Variants in CACNA1E observed in about 807,000 individuals in gnomAD.
CACNA1E encodes the protein calcium voltage-gated channel subunit alpha1 E, also known as voltage-dependent R-type calcium channel subunit alpha-1E.
In CACNA1E, 40 loss-of-function variants were observed where a neutral mutation model predicts 259.2. The ratio of observed to expected loss-of-function variants is 0.15; its 90% confidence interval spans 0.12 to 0.20. The LOEUF is 0.20. Ranked by LOEUF, CACNA1E falls within the 10% of genes least tolerant of loss-of-function variation. The pLI, the probability that CACNA1E is intolerant of heterozygous loss-of-function variation, is 1.00. For missense variants in CACNA1E, 1,874 were observed against 3,040.1 expected (o/e 0.62, Z 9.02); for synonymous variants, 1,104 against 1,138.5 (o/e 0.97, Z 0.61).
Position 181,739,204 on chromosome 1 carries a change from A to G in CACNA1E, c.3670A>G (p.Ile1224Val). 1 of 1,613,894 alleles carries G rather than the reference A, an allele frequency of 6.2e-7. No individual in the cohort carries two copies. Among genetic ancestry groups the G allele is most frequent in the Non-Finnish European group, 8.5e-7 (1 of 1,179,802 alleles). Residue 1224 changes from isoleucine (I) to valine (V), a missense_variant, in exon 25 of 48, where the codon ATC (isoleucine) becomes GTC (valine). Around this residue, in one of 14 missense-constraint regions of CACNA1E, gnomAD observed 188 missense variants for 540.6 expected, o/e 0.35. Coordinates refer to ENST00000367573, the MANE Select transcript of CACNA1E (RefSeq NM_001205293.3). ...DGSYFRDLWNILDFVVVVGAL... is the reference protein window; with the variant it reads ...DGSYFRDLWNVLDFVVVVGAL... ...GTCCTACTTCCGAGACTTGTGGAAC[A>G]TCCTGGACTTTGTGGTGGTCGTTGG...
chr1:181,610,060 G>GGT (rs1553298172), intron 6 of CACNA1E, among the ~76,000 whole-genome samples: 2 of 152,118 alleles, frequency 1.3e-5, no homozygotes, highest in Non-Finnish European at 2.9e-5. Flanking sequence ...GGTGAAGAAC[G>GGT]GTGGGAAAAG....
chr1:181,745,480 C>A, intron 25 of CACNA1E: 1 of 349,760 alleles, frequency 2.9e-6, no homozygotes. Flanking sequence ...CAACTAGACC[C>A]AGATATAAAA....
At position 181,500,876 on chromosome 1, in the gene CACNA1E, T is replaced by G. The variant is rs188872162; in HGVS notation, c.267-9601T>G. Among the ~76,000 whole-genome samples the G allele has an allele frequency of 1.3e-4, 20 of 152,316 alleles. No homozygotes were observed. The East Asian group carries it at 3.9e-3, about 29-fold the overall frequency. On this transcript the variant is annotated intron_variant, in intron 1 of 47. Transcript: ENST00000367573. ...GGACTCTTTCACAAAAGGCTTTTCA[T>G]TTTTCTTATGCTGTCTCAGTTCCAT...
intron 7 of CACNA1E, among the ~76,000 whole-genome samples, chr1:181,684,334 G>GT (rs1227115679): frequency 6.6e-6 from 1 of 151,786 alleles, no homozygotes; most frequent in African/African-American, 2.4e-5. Context: ...GGCTTGTTTG[G>GT]TTTTCACTGT....
chr1:181,351,054 G>A (rs1203792830), intron 1 of CACNA1E, among the ~76,000 whole-genome samples: 1 of 152,226 alleles, frequency 6.6e-6, no homozygotes, highest in African/African-American at 2.4e-5. Flanking sequence ...TGGAGACTGG[G>A]TTAGGAAAAG....
chr1:181,570,528 G>A (rs556651029), intron 3 of CACNA1E, among the ~76,000 whole-genome samples: 1 of 152,270 alleles, frequency 6.6e-6, no homozygotes, highest in East Asian at 1.9e-4. Flanking sequence ...TACAGTTCTG[G>A]AAGTCAGAAG....
intron 8 of CACNA1E, among the ~76,000 whole-genome samples, chr1:181,713,568 A>T (rs1010435240): frequency 6.6e-6 from 1 of 152,198 alleles, no homozygotes; most frequent in Non-Finnish European, 1.5e-5. Context: ...TCTCAGTTTT[A>T]TCTGTAGCTG....
intron 6 of CACNA1E, among the ~76,000 whole-genome samples, chr1:181,590,436 T>TATATATATATATATA (rs1558159831): frequency 2.1e-5 from 3 of 144,220 alleles, no homozygotes; most frequent in African/African-American, 7.9e-5. Context: ...TATATATATA[T>TATATATATATATATA]TGTATTTGAC....
intron 3 of CACNA1E, among the ~76,000 whole-genome samples, chr1:181,521,379 G>A (rs1427722985): frequency 6.6e-6 from 1 of 152,182 alleles, no homozygotes; most frequent in Non-Finnish European, 1.5e-5. Flanking sequence ...GACCTGGTTT[G>A]GGGTATCTTT....
chr1:181,446,342 G>A (rs1558010899), intron 2 of CACNA1E, among the ~76,000 whole-genome samples: 1 of 152,354 alleles, frequency 6.6e-6, no homozygotes, highest in East Asian at 1.9e-4. Flanking sequence ...CTTGCTTGGT[G>A]CCAAGGGTTT....
intron 7 of CACNA1E, among the ~76,000 whole-genome samples, chr1:181,686,275 GTTTTTTTTTT>G (rs66526388): frequency 3.4e-5 from 2 of 58,670 alleles, no homozygotes; most frequent in African/African-American, 1.2e-4. Flanking sequence ...TAAGAACCAA[GTTTTTTTTTT>G]TTTTTTTTTT....
chr1:181,550,544 G>A (rs974347317), intron 3 of CACNA1E, among the ~76,000 whole-genome samples: 9 of 152,098 alleles, frequency 5.9e-5, no homozygotes, highest in African/African-American at 1.9e-4. Flanking sequence ...AGGCTGAGAG[G>A]GAGCTGGCAG....
chr1:181,726,294 G>T (rs1244543683), intron 18 of CACNA1E, 132 bp downstream of exon 18: 5 of 622,248 alleles, frequency 8.0e-6, no homozygotes, highest in Non-Finnish European at 1.4e-5. Flanking sequence ...ACAGCAGTGA[G>T]CCAGACAGAG....
chr1:181,713,480 G>A (rs1653590254), intron 8 of CACNA1E, among the ~76,000 whole-genome samples: 1 of 152,120 alleles, frequency 6.6e-6, no homozygotes, highest in African/African-American at 2.4e-5. Flanking sequence ...AAACATTTAT[G>A]ACTTTGTAAT....
At chr1:181,366,957 T>G (rs1654315505) in intron 1 of CACNA1E, among the ~76,000 whole-genome samples, 1 of 152,202 alleles carries the variant, frequency 6.6e-6, no homozygotes, top group Non-Finnish European at 1.5e-5. Flanking sequence ...TTTGCATCCC[T>G]TAAAACTTGT....
At chr1:181,782,031 A>G (rs934878732) in intron 39 of CACNA1E, among the ~76,000 whole-genome samples, 1 of 152,222 alleles carries the variant, frequency 6.6e-6, no homozygotes, top group Non-Finnish European at 1.5e-5. Context: ...GAAAACTCAT[A>G]ACAAATGTTT....
At chr1:181,724,580 T>C (rs760666457) in intron 17 of CACNA1E, 43 bp downstream of exon 17, 30 of 1,495,374 alleles carry the variant, frequency 2.0e-5, no homozygotes, top group African/African-American at 4.1e-5. Flanking sequence ...TCTAGTGCCA[T>C]TGGGTACCCT....
chr1:181,739,026 C>T (rs1656317736), intron 24 of CACNA1E, 121 bp from the exon 25 acceptor site: 2 of 743,648 alleles, frequency 2.7e-6, no homozygotes, highest in East Asian at 2.5e-5. Context: ...TTCTCCAGGT[C>T]CTAGCATAGG....
intron 3 of CACNA1E, among the ~76,000 whole-genome samples, chr1:181,522,394 T>C (rs1667056705): frequency 6.6e-6 from 1 of 152,246 alleles, no homozygotes; most frequent in African/African-American, 2.4e-5. Context: ...TGTGGGCTTT[T>C]ATTTTTTATA....
Sources: gnomAD v4.1 joint callset for allele counts (sites outside exome capture counted in the v4.1 genomes callset) on GRCh38, gnomAD v4.1.1 for gene constraint, gnomAD v4.1.1 regional missense constraint, MANE v1.5 for transcripts, NCBI Gene and HGNC (gene_info 2026-07-23, HGNC 2026-07-21) for gene names.